The following MTCH2 variants were observed in gnomAD, a reference collection of about 807,000 sequenced individuals.
The protein encoded by MTCH2 is mitochondrial carrier 2.
MTCH2 carries 25 observed loss-of-function variants against 50.6 expected under a neutral mutation model. That is an observed-to-expected ratio of 0.49 (90% CI 0.36 to 0.69). The LOEUF (loss-of-function observed/expected upper bound fraction) is 0.69. MTCH2 is among the 30% of genes least tolerant of loss of function. The pLI is 0.00. For synonymous variants in MTCH2, 106 were observed against 132.0 expected (o/e 0.80, Z 1.35); for missense variants, 273 against 384.4 (o/e 0.71, Z 2.42).
At chr11:47,619,036 C>G in intron 12 of MTCH2, 117 bp from the exon 13 acceptor site, 3 of 831,884 alleles carry the variant, frequency 3.6e-6, no homozygotes, top group Non-Finnish European at 6.1e-6. Flanking sequence ...AAAACTGGGA[C>G]TATCACTACA....
At chr11:47,604,760 TGTTA>T in the MTCH2 span, among the ~76,000 whole-genome samples, 5 of 152,160 alleles carry the variant, frequency 3.3e-5, no homozygotes, top group Non-Finnish European at 5.9e-5. Flanking sequence ...TAAGAAATGC[TGTTA>T]GTTAAGTGAA....
intron 12 of MTCH2, among the ~76,000 whole-genome samples, chr11:47,620,407 G>C (rs746406466): frequency 7.9e-5 from 12 of 152,048 alleles, no homozygotes; most frequent in Non-Finnish European, 1.5e-4. Context: ...ACCTCAGCCA[G>C]GAGGCAGAGG....
chr11:47,630,371 G>A (rs1288182899), intron 8 of MTCH2, among the ~76,000 whole-genome samples, 184 bp downstream of exon 8: 1 of 152,080 alleles, frequency 6.6e-6, no homozygotes, highest in East Asian at 1.9e-4. Flanking sequence ...TAGTCATATG[G>A]GGCCTAAATA....
intron 8 of MTCH2, among the ~76,000 whole-genome samples, chr11:47,630,066 T>C (rs908331911): frequency 6.6e-6 from 1 of 152,216 alleles, no homozygotes; most frequent in Non-Finnish European, 1.5e-5. Context: ...TCTCACTCTG[T>C]CACCCGGGCT....
chr11:47,625,436 AT>A (rs149098008), intron 11 of MTCH2, among the ~76,000 whole-genome samples: 79,009 of 134,804 alleles, frequency 0.59, 22,002 homozygotes, highest in South Asian at 0.64. Context: ...AAAAAAAAAA[AT>A]AATAATAATA....
intron 11 of MTCH2, 140 bp downstream of exon 11, chr11:47,625,533 AC>A: frequency 1.6e-6 from 1 of 627,848 alleles, no homozygotes; most frequent in Non-Finnish European, 2.8e-6. Flanking sequence ...TATCAATTAT[AC>A]TTTTCCTCCC....
At chr11:47,616,834 C>T (rs2097288710), downstream of MTCH2, among the ~76,000 whole-genome samples, 1 of 152,108 alleles carries the variant, frequency 6.6e-6, no homozygotes, top group Non-Finnish European at 1.5e-5. Flanking sequence ...CAGGCATGTG[C>T]CACCATGCCC....
chr11:47,631,011 A>G, intron 7 of MTCH2, 25 bp downstream of exon 7: 2 of 1,577,656 alleles, frequency 1.3e-6, no homozygotes, highest in Non-Finnish European at 1.7e-6. Context: ...GATCTCCTTG[A>G]GTATGTGAAA....
chr11:47,609,140 A>AAAAG, the MTCH2 span, among the ~76,000 whole-genome samples: 22 of 93,338 alleles, frequency 2.4e-4, no homozygotes, highest in African/African-American at 9.9e-4. Context: ...AAAAAAAAAA[A>AAAAG]AAAAAAGAAA....
intron 6 of MTCH2, 98 bp downstream of exon 6, chr11:47,631,556 C>CAG (rs946922563): frequency 4.7e-5 from 54 of 1,153,434 alleles, no homozygotes; most frequent in Non-Finnish European, 5.1e-6. Context: ...CAAAAACATG[C>CAG]AGGCAAGGCA....
Position 47,617,863 on chromosome 11 carries a change from T to C in MTCH2, c.*970A>G, listed in dbSNP as rs1338128416. 6.6e-6 allele frequency: 1 copy of C among 152,190 alleles called. No individual in the cohort carries two copies. Among genetic ancestry groups the C allele is most frequent in the Non-Finnish European group, 1.5e-5 (1 of 68,054 alleles). 9.4% of individuals were successfully genotyped at this position (152,190 alleles called of 1,614,324 possible). ...ATTACCAGACATGGAGTTACAAATA[T>C]ACTTTCCAAGGCTGTCATCAGAAAT... is the stretch of plus-strand genomic sequence containing the variant. On this transcript the variant is annotated 3_prime_UTR_variant, in exon 13 of 13. Transcript: ENST00000302503.
At chr11:47,605,690 G>A in the MTCH2 span, among the ~76,000 whole-genome samples, 3 of 152,148 alleles carry the variant, frequency 2.0e-5, no homozygotes, top group Non-Finnish European at 2.9e-5. Flanking sequence ...AAGGAGCACA[G>A]CAGTTACATG....
At chr11:47,622,847 G>A in intron 11 of MTCH2, 71 bp from the exon 12 acceptor site, 1 of 963,028 alleles carries the variant, frequency 1.0e-6, no homozygotes, top group Non-Finnish European at 1.5e-6. Flanking sequence ...GATAAACCTT[G>A]TCAAAATATT....
At chr11:47,615,099 C>T (rs562683549), downstream of MTCH2, among the ~76,000 whole-genome samples, 47 of 127,690 alleles carry the variant, frequency 3.7e-4, no homozygotes, top group East Asian at 2.4e-3. Flanking sequence ...TGCAGTGGTG[C>T]GACCATAGGT....
intron 5 of MTCH2, 95 bp from the exon 6 acceptor site, chr11:47,631,806 G>C: frequency 7.7e-7 from 1 of 1,296,462 alleles, no homozygotes; most frequent in Non-Finnish European, 1.1e-6. Flanking sequence ...TATAGGATAA[G>C]AAAGTGAATG....
the MTCH2 span, among the ~76,000 whole-genome samples, chr11:47,606,800 C>A: frequency 6.6e-6 from 1 of 152,208 alleles, no homozygotes; most frequent in African/African-American, 2.4e-5. Flanking sequence ...GTTGGGGGAG[C>A]AGCTCCCTGG....
chr11:47,622,858 C>T (rs1341754544), intron 11 of MTCH2, 82 bp from the exon 12 acceptor site: 1 of 940,534 alleles, frequency 1.1e-6, no homozygotes, highest in African/African-American at 1.7e-5. Flanking sequence ...TCAAAATATT[C>T]TGCTGCACAG....
chr11:47,629,089 C>A, intron 8 of MTCH2, 43 bp from the exon 9 acceptor site: 1 of 1,478,812 alleles, frequency 6.8e-7, no homozygotes, highest in South Asian at 1.2e-5. Context: ...AAAATGTGAT[C>A]AGTAACATGA....
downstream of MTCH2, among the ~76,000 whole-genome samples, chr11:47,614,387 G>C (rs1302264659): frequency 6.6e-6 from 1 of 152,170 alleles, no homozygotes; most frequent in Admixed American, 6.5e-5. Flanking sequence ...TAACCAATCT[G>C]TTCTCCTGTC....
Sources: gnomAD v4.1 joint callset for allele counts (sites outside exome capture counted in the v4.1 genomes callset) on GRCh38, gnomAD v4.1.1 for gene constraint, MANE v1.5 for transcripts, NCBI Gene and HGNC (gene_info 2026-07-23, HGNC 2026-07-21) for gene names.